The following STXBP6 variants were observed in gnomAD, a reference collection of about 807,000 sequenced individuals.
STXBP6 encodes the protein syntaxin-binding protein 6.
A neutral mutation model predicts 26.9 loss-of-function variants in STXBP6; 21 were observed. That is an observed-to-expected ratio of 0.78 (90% confidence interval 0.55 to 1.12). The LOEUF (loss-of-function observed/expected upper bound fraction) is 1.12, where lower values mean the gene tolerates loss of function less well. Among genes scored for constraint, STXBP6 ranks in the 50% most tolerant of loss-of-function variants. STXBP6 has a pLI of 0.00. For missense variants in STXBP6, 232 were observed against 257.9 expected (o/e 0.90, Z 0.69); for synonymous variants, 97 against 92.6 (o/e 1.05, Z -0.27).
chr14:24,857,867 C>T (rs988396508), intron 2 of STXBP6, among the ~76,000 whole-genome samples: 4 of 151,962 alleles, frequency 2.6e-5, no homozygotes, highest in Admixed American at 2.6e-4. Context: ...AGACTGAAGC[C>T]AAGCATCAGG....
intron 1 of STXBP6, among the ~76,000 whole-genome samples, chr14:25,038,099 G>A (rs1221286381): frequency 6.6e-6 from 1 of 151,236 alleles, no homozygotes; most frequent in Non-Finnish European, 1.5e-5. Flanking sequence ...ACACACAACT[G>A]AAACATAAAC....
At chr14:24,868,872 G>A (rs376949458) in intron 2 of STXBP6, among the ~76,000 whole-genome samples, 53 of 152,344 alleles carry the variant, frequency 3.5e-4, no homozygotes, top group African/African-American at 1.2e-3. Context: ...TTCAAGGTCA[G>A]TCACGAAGTC....
chr14:24,923,015 GAATA>G (rs1316845527), intron 2 of STXBP6, among the ~76,000 whole-genome samples: 6 of 151,924 alleles, frequency 3.9e-5, no homozygotes, highest in African/African-American at 1.2e-4. Context: ...AAGATATAGA[GAATA>G]AATACTCAAG....
chr14:24,815,395 G>A (rs2067941802), intron 5 of STXBP6, among the ~76,000 whole-genome samples: 1 of 151,264 alleles, frequency 6.6e-6, no homozygotes, highest in South Asian at 2.1e-4. Flanking sequence ...CTGATACCAG[G>A]CAGATATAGT....
intron 1 of STXBP6, among the ~76,000 whole-genome samples, chr14:25,026,861 C>T (rs2075358460): frequency 6.6e-6 from 1 of 151,930 alleles, no homozygotes; most frequent in South Asian, 2.1e-4. Context: ...GCCTTTTACA[C>T]CATTAAAACA....
chr14:24,876,777 A>C (rs2070161349), intron 2 of STXBP6, among the ~76,000 whole-genome samples: 1 of 152,248 alleles, frequency 6.6e-6, no homozygotes, highest in Non-Finnish European at 1.5e-5. Flanking sequence ...CACTTACTGG[A>C]TTTTAACAGC....
chr14:24,969,509 T>C (rs570024049), intron 2 of STXBP6, among the ~76,000 whole-genome samples: 1 of 152,214 alleles, frequency 6.6e-6, no homozygotes, highest in East Asian at 1.9e-4. Context: ...CTATAGACAT[T>C]GTTGTGGGTA....
At chr14:24,845,441 C>T (rs993084262) in intron 4 of STXBP6, among the ~76,000 whole-genome samples, 1 of 152,106 alleles carries the variant, frequency 6.6e-6, no homozygotes, top group African/African-American at 2.4e-5. Context: ...AAGTAAGGAA[C>T]TTTTTGATAT....
intron 1 of STXBP6, among the ~76,000 whole-genome samples, chr14:25,003,365 G>A (rs1255930956): frequency 2.6e-5 from 4 of 152,130 alleles, no homozygotes; most frequent in Admixed American, 6.5e-5. Context: ...TTCTTTTGTC[G>A]TCATTATTGA....
chr14:24,912,310 T>C (rs1566469695), intron 2 of STXBP6, among the ~76,000 whole-genome samples: 1 of 152,140 alleles, frequency 6.6e-6, no homozygotes, highest in Non-Finnish European at 1.5e-5. Flanking sequence ...AATCAAATAA[T>C]TCAAGATTTT....
At chr14:24,886,355 C>T (rs1457735391) in intron 2 of STXBP6, among the ~76,000 whole-genome samples, 4 of 152,124 alleles carry the variant, frequency 2.6e-5, no homozygotes, top group African/African-American at 7.2e-5. Flanking sequence ...TACTTTATAC[C>T]TCCATGTTCT....
chr14:24,904,210 A>G (rs962959898), intron 2 of STXBP6, among the ~76,000 whole-genome samples: 1 of 152,158 alleles, frequency 6.6e-6, no homozygotes, highest in South Asian at 2.1e-4. Flanking sequence ...CACATCTCCA[A>G]TTCAAGCACA....
rs746786740 is a variant in STXBP6, at chr14:24,953,147, C to T, written c.154+21518G>A. ...GCTGCCAACACTCCTTGACTCATGG[C>T]GACATCACCCCAATCTCTGCCTCCA... On this transcript the variant is annotated intron_variant, in intron 2 of 5. Transcript: ENST00000323944. Among the ~76,000 whole-genome samples the T allele has an allele frequency of 7.8e-4, 119 of 152,236 alleles. 1 individual carries two copies. Among genetic ancestry groups the T allele is most frequent in the Non-Finnish European group, 3.1e-4 (21 of 68,012 alleles).
Position 24,812,666 on chromosome 14 carries a change from T to G in STXBP6, c.*43A>C. ...TTCTTGTAAAAACTGCTGAACAAAC[T>G]CTTCAGTTTCTCTTAAGAAGAGTCA... On this transcript the variant is annotated 3_prime_UTR_variant, in exon 6 of 6. Coordinates refer to ENST00000323944, the MANE Select transcript of STXBP6 (RefSeq NM_001394410.1). The G allele has an allele frequency of 6.2e-7, 1 of 1,604,910 alleles. No individual in the cohort carries two copies. The highest frequency in any genetic ancestry group is 2.2e-5 in the East Asian group (1 of 44,760).
At chr14:25,017,115 C>T (rs1002386812) in intron 1 of STXBP6, among the ~76,000 whole-genome samples, 6 of 152,026 alleles carry the variant, frequency 3.9e-5, no homozygotes, top group South Asian at 2.1e-4. Flanking sequence ...TAAGCACAAG[C>T]GTGTGTAATA....
intron 1 of STXBP6, among the ~76,000 whole-genome samples, chr14:25,017,021 A>G (rs2140407928): frequency 6.6e-6 from 1 of 152,302 alleles, no homozygotes. Flanking sequence ...ATTACTACAA[A>G]TAGTCCAGTA....
chr14:24,981,275 A>G (rs2074184985), intron 1 of STXBP6, among the ~76,000 whole-genome samples: 1 of 147,000 alleles, frequency 6.8e-6, no homozygotes, highest in African/African-American at 2.6e-5. Context: ...TATGTATGTG[A>G]GTATTTTTTT....
At chr14:24,851,532 G>C (rs984829026) in intron 4 of STXBP6, among the ~76,000 whole-genome samples, 1 of 151,994 alleles carries the variant, frequency 6.6e-6, no homozygotes, top group Admixed American at 6.6e-5. Flanking sequence ...CTCAACATCT[G>C]TTTGAAATGA....
chr14:25,047,513 A>G (rs1239183909), intron 1 of STXBP6, among the ~76,000 whole-genome samples: 1 of 152,220 alleles, frequency 6.6e-6, no homozygotes, highest in Non-Finnish European at 1.5e-5. Context: ...TAGTGATTCT[A>G]TAGGCATGGT....
Sources: allele counts gnomAD v4.1 joint callset (sites outside exome capture counted in the v4.1 genomes callset), GRCh38; gene constraint gnomAD v4.1.1; transcripts MANE v1.5; gene names NCBI Gene and HGNC (gene_info 2026-07-23, HGNC 2026-07-21).